SLC10A6: variants seen among roughly 807,000 people sequenced by gnomAD.
SLC10A6 encodes the protein solute carrier family 10 member 6.
SLC10A6 carries 27 observed loss-of-function variants against 30.0 expected under a neutral mutation model. The ratio of observed to expected loss-of-function variants is 0.90; its 90% confidence interval spans 0.66 to 1.24. The LOEUF (loss-of-function observed/expected upper bound fraction) is 1.24. SLC10A6 is among the 50% of genes most tolerant of loss of function. SLC10A6 has a pLI of 0.00. For missense variants in SLC10A6, 439 were observed against 457.0 expected, an observed-to-expected ratio of 0.96 and a Z score of 0.36; for synonymous variants, 166 against 173.8, an observed-to-expected ratio of 0.95 and a Z score of 0.36.
At chr4:86,835,761 G>GAAAGA (rs913635445) in intron 1 of SLC10A6, among the ~76,000 whole-genome samples, 12 of 151,234 alleles carry the variant, frequency 7.9e-5, no homozygotes, top group South Asian at 2.1e-4. Flanking sequence ...GAGAGAGAGA[G>GAAAGA]AAAGAAAAGA....
chr4:86,834,889 A>G (rs1746154720), intron 1 of SLC10A6, among the ~76,000 whole-genome samples: 1 of 152,142 alleles, frequency 6.6e-6, no homozygotes, highest in African/African-American at 2.4e-5. Flanking sequence ...GAGAGGGAGC[A>G]AGGGAGAGTG....
At chr4:86,831,368 TTCTGCAAGACA>T (rs1560458849) in intron 3 of SLC10A6, among the ~76,000 whole-genome samples, 2 of 152,214 alleles carry the variant, frequency 1.3e-5, no homozygotes, top group Non-Finnish European at 2.9e-5. Context: ...CCAGGAATGC[TTCTGCAAGACA>T]GCCCTTCCTC....
At chr4:86,847,386 C>G (rs1425782743) in intron 1 of SLC10A6, among the ~76,000 whole-genome samples, 1 of 152,196 alleles carries the variant, frequency 6.6e-6, no homozygotes, top group African/African-American at 2.4e-5. Context: ...GAACTTCATG[C>G]AAAGAATATC....
chr4:86,834,561 T>C lies in SLC10A6; in HGVS notation c.378-1137A>G, dbSNP rs185613716. On this transcript the variant is annotated intron_variant, in intron 1 of 5. Transcript: ENST00000273905. ...AAATAAATCATATTTGGTCATGGTG[T>C]ATAATCCTTTATGTTGCTAGATTCA... Among the ~76,000 whole-genome samples the C allele has an allele frequency of 2.0e-5, 3 of 152,366 alleles. No homozygotes were observed. In the East Asian group the frequency reaches 5.8e-4, roughly 29 times the overall value.
intron 3 of SLC10A6, 71 bp downstream of exon 3, chr4:86,831,721 C>T (rs768402316): frequency 7.9e-7 from 1 of 1,258,154 alleles, no homozygotes; most frequent in Non-Finnish European, 1.1e-6. Flanking sequence ...CTTGTCCCAG[C>T]CACTGCTCAC....
At position 86,837,265 on chromosome 4, in the gene SLC10A6, AAG is replaced by A. The variant is rs1746206102; in HGVS notation, c.378-3843_378-3842del. ...AAAGAAAGAAAGAAAGAAAGAAAGA[AAG>A]AAAGAAAGAAAGAAAGAAAAAGAAA... On this transcript the variant is annotated intron_variant, in intron 1 of 5. Coordinates refer to ENST00000273905, the MANE Select transcript of SLC10A6 (RefSeq NM_197965.3). 1.6e-3 allele frequency among the ~76,000 whole-genome samples: 183 copies of A among 115,564 alleles called. 2 individuals carry two copies. Among genetic ancestry groups the A allele is most frequent in the African/African-American group, 5.9e-3 (158 of 26,854 alleles). The allele number at this position is 115,564 out of a possible 152,430, so 75.8% of individuals were successfully genotyped here. A position where few individuals can be genotyped will look rare whatever the true frequency, so the allele number is the denominator to read the frequency against.
At chr4:86,837,574 C>A (rs1340150916) in intron 1 of SLC10A6, 6 of 984,756 alleles carry the variant, frequency 6.1e-6, no homozygotes, top group Non-Finnish European at 7.2e-6. Context: ...CAACCTTACC[C>A]CACTTTTTGG....
intron 3 of SLC10A6, among the ~76,000 whole-genome samples, chr4:86,830,150 C>T (rs553475261): frequency 1.3e-5 from 2 of 152,272 alleles, no homozygotes; most frequent in South Asian, 2.1e-4. Flanking sequence ...GATCCCAACA[C>T]TTTGGGAGGC....
intron 1 of SLC10A6, 111 bp from the exon 2 acceptor site, chr4:86,833,535 G>A: frequency 2.9e-6 from 2 of 684,722 alleles, no homozygotes; most frequent in Non-Finnish European, 5.1e-6. Context: ...CATGGACTAA[G>A]CTCCTTGGAG....
chr4:86,842,785 C>CTTTTCTTTCTTTCTTTCTTTCTTTCT (rs1746312836), intron 1 of SLC10A6, among the ~76,000 whole-genome samples: 1 of 135,330 alleles, frequency 7.4e-6, no homozygotes, highest in Non-Finnish European at 1.6e-5. Flanking sequence ...ATGGACACCT[C>CTTTTCTTTCTTTCTTTCTTTCTTTCT]TTTTCTTTCT....
chr4:86,825,494 T>A lies in SLC10A6; in HGVS notation c.845A>T (p.His282Leu). 1 of 1,613,192 alleles carries A rather than the reference T, an allele frequency of 6.2e-7. No homozygotes were observed. Among genetic ancestry groups the A allele is most frequent in the Non-Finnish European group, 8.5e-7 (1 of 1,179,242 alleles). Residue 282 changes from histidine to leucine, a missense_variant, in exon 5 of 6, where the codon CAC (histidine) becomes CTC (leucine). Transcript: ENST00000273905. ...TGGGAAACTCAACATCTGGACCAAGTGCTCAGCAGTGAAAGATAACTGGAG... is the reference window on the plus strand; with the variant it reads ...TGGGAAACTCAACATCTGGACCAAGAGCTCAGCAGTGAAAGATAACTGGAG... ...TMLQLSFTAE[H>L]LVQMLSFPLA...
chr4:86,846,231 T>G (rs1380923607), intron 1 of SLC10A6, among the ~76,000 whole-genome samples: 1 of 152,238 alleles, frequency 6.6e-6, no homozygotes, highest in Non-Finnish European at 1.5e-5. Context: ...AAATTGATTT[T>G]ATTACTTTTG....
chr4:86,841,251 C>T (rs1477112353), intron 1 of SLC10A6, among the ~76,000 whole-genome samples: 1 of 152,140 alleles, frequency 6.6e-6, no homozygotes, highest in East Asian at 1.9e-4. Context: ...CCTTGATTAC[C>T]TATGTGATTG....
At chr4:86,837,290 A>AAAGAGAAAGGAAGG (rs1746211407) in intron 1 of SLC10A6, among the ~76,000 whole-genome samples, 4 of 62,736 alleles carry the variant, frequency 6.4e-5, no homozygotes, top group Non-Finnish European at 1.4e-4. Context: ...AAAGAAAAAG[A>AAAGAGAAAGGAAGG]AAGGAAGGAA....
intron 2 of SLC10A6, among the ~76,000 whole-genome samples, 189 bp from the exon 3 acceptor site, chr4:86,832,069 T>G (rs368684366): frequency 1.1e-4 from 16 of 152,328 alleles, no homozygotes; most frequent in African/African-American, 3.8e-4. Flanking sequence ...ATTTTGCGTC[T>G]TGTGAGTGCC....
In SLC10A6 at chr4:86,837,293, G is replaced by GAAA. The variant is rs1560460397; in HGVS notation, c.378-3870_378-3869insTTT. On this transcript the variant is annotated intron_variant, in intron 1 of 5. Coordinates refer to ENST00000273905, the MANE Select transcript of SLC10A6 (RefSeq NM_197965.3). ...AAAGAAAGAAAGAAAGAAAAAGAAAGGAAGGAAGGAAGGAAGGAAGGAAGG... is the reference window on the plus strand; with the variant it reads ...AAAGAAAGAAAGAAAGAAAAAGAAAGAAAGAAGGAAGGAAGGAAGGAAGGAAGG... Among the ~76,000 whole-genome samples, 299 of 74,672 alleles carry GAAA rather than the reference G, an allele frequency of 4.0e-3. 5 individuals are homozygous for GAAA. Among genetic ancestry groups the GAAA allele is most frequent in the African/African-American group, 7.7e-3 (119 of 15,502 alleles). The allele number at this position is 74,672 out of a possible 152,430, so 49.0% of individuals were successfully genotyped here.
chr4:86,831,092 C>T (rs923926679), intron 3 of SLC10A6, among the ~76,000 whole-genome samples: 1 of 152,206 alleles, frequency 6.6e-6, no homozygotes, highest in African/African-American at 2.4e-5. Flanking sequence ...CCCACCTCAG[C>T]CTGCCAAAGT....
At chr4:86,847,768 TC>T (rs1329846478) in intron 1 of SLC10A6, among the ~76,000 whole-genome samples, 7 of 152,228 alleles carry the variant, frequency 4.6e-5, no homozygotes, top group African/African-American at 1.7e-4. Flanking sequence ...TCTGATTCAT[TC>T]ATTCATGGTA....
chr4:86,836,755 T>C (rs1292145353), intron 1 of SLC10A6, among the ~76,000 whole-genome samples: 1 of 151,904 alleles, frequency 6.6e-6, no homozygotes, highest in African/African-American at 2.4e-5. Context: ...TTTTTTGGGG[T>C]TTTGTTTTGT....
Sources: gnomAD v4.1 joint callset for allele counts (sites outside exome capture counted in the v4.1 genomes callset) on GRCh38, gnomAD v4.1.1 for gene constraint, MANE v1.5 for transcripts, NCBI Gene and HGNC (gene_info 2026-07-23, HGNC 2026-07-21) for gene names.